The following ZBTB20 variants were observed in gnomAD, a reference collection of about 807,000 sequenced individuals.
ZBTB20 encodes zinc finger and BTB domain-containing protein 20.
ZBTB20 carries 9 observed loss-of-function variants against 56.9 expected under a neutral mutation model. The observed-to-expected ratio is 0.16, with a 90% CI of 0.10 to 0.28. ZBTB20 has a LOEUF of 0.28. Among genes scored for constraint, ZBTB20 ranks in the 10% least tolerant of loss-of-function variants. ZBTB20 has a pLI of 1.00. For synonymous variants in ZBTB20, 417 were observed against 420.7 expected, an observed-to-expected ratio of 0.99 and a Z score of 0.11; for missense variants, 655 against 1,003.0, an observed-to-expected ratio of 0.65 and a Z score of 4.69.
At chr3:114,584,854 C>G (rs1446966878) in intron 6 of ZBTB20, among the ~76,000 whole-genome samples, 2 of 152,106 alleles carry the variant, frequency 1.3e-5, no homozygotes, top group Non-Finnish European at 2.9e-5. Flanking sequence ...AGACAAAACA[C>G]TATCAGTGTA....
chr3:115,073,694 G>C (rs1320150707), intron 1 of ZBTB20, among the ~76,000 whole-genome samples: 1 of 151,342 alleles, frequency 6.6e-6, no homozygotes, highest in African/African-American at 2.4e-5. Flanking sequence ...ACAAAGATAA[G>C]AGATTATAAT....
intron 1 of ZBTB20, among the ~76,000 whole-genome samples, chr3:115,138,543 T>A (rs4682561): frequency 0.18 from 27,185 of 151,904 alleles, 4,121 homozygotes; most frequent in African/African-American, 0.4. Context: ...CCCAGAATAG[T>A]GGTCTGATGG....
intron 7 of ZBTB20, among the ~76,000 whole-genome samples, chr3:114,481,694 TCCTTC>T (rs1263445341): frequency 1.3e-5 from 2 of 152,344 alleles, no homozygotes; most frequent in East Asian, 3.9e-4. Flanking sequence ...TACACATCCA[TCCTTC>T]CCTAATAGTC....
chr3:114,838,841 A>T (rs2074243732), intron 4 of ZBTB20, among the ~76,000 whole-genome samples: 1 of 152,160 alleles, frequency 6.6e-6, no homozygotes, highest in Non-Finnish European at 1.5e-5. Flanking sequence ...GGATGTATGG[A>T]TTGGAGTTTG....
intron 3 of ZBTB20, among the ~76,000 whole-genome samples, chr3:114,959,912 A>T (rs942260250): frequency 1.3e-5 from 2 of 152,218 alleles, no homozygotes; most frequent in Non-Finnish European, 2.9e-5. Context: ...AACTGTGCTC[A>T]GAAAAACTAA....
At chr3:114,834,926 T>C (rs2074045154) in intron 4 of ZBTB20, among the ~76,000 whole-genome samples, 2 of 152,184 alleles carry the variant, frequency 1.3e-5, no homozygotes, top group African/African-American at 4.8e-5. Context: ...AGTTTCATTA[T>C]ATTTTCACCG....
In ZBTB20 at chr3:114,338,750, A is replaced by G; in HGVS notation, c.*255T>C. 2.9e-6 allele frequency: 1 copy of G among 342,534 alleles called. No homozygotes were observed. The highest frequency in any genetic ancestry group is 5.2e-6 in the Non-Finnish European group (1 of 190,816). 21.2% of individuals were successfully genotyped at this position (342,534 alleles called of 1,614,324 possible). On this transcript the variant is annotated 3_prime_UTR_variant, in exon 12 of 12. Coordinates refer to ENST00000675478, the MANE Select transcript of ZBTB20 (RefSeq NM_001348800.3). The stretch of plus-strand genomic sequence containing the variant: ...GAGATCCAACCAGTGGACCTCTTGA[A>G]GCACTACCAGGCCTTAAGGCCACCA...
intron 5 of ZBTB20, among the ~76,000 whole-genome samples, chr3:114,732,528 T>C (rs1050445547): frequency 6.6e-6 from 1 of 152,190 alleles, no homozygotes; most frequent in African/African-American, 2.4e-5. Flanking sequence ...CACAGGGCTC[T>C]GCATGGCTTT....
At chr3:114,737,492 A>C (rs1220192304) in intron 5 of ZBTB20, among the ~76,000 whole-genome samples, 1 of 152,204 alleles carries the variant, frequency 6.6e-6, no homozygotes. Flanking sequence ...ACACAAGTCA[A>C]AGAAGCTCTC....
At chr3:114,441,659 C>T (rs1246631028) in intron 7 of ZBTB20, among the ~76,000 whole-genome samples, 1 of 152,136 alleles carries the variant, frequency 6.6e-6, no homozygotes, top group Non-Finnish European at 1.5e-5. Context: ...TGTACCACTA[C>T]ATTTATTGTA....
chr3:114,669,549 A>G (rs1056328184), intron 6 of ZBTB20, among the ~76,000 whole-genome samples: 2 of 151,996 alleles, frequency 1.3e-5, no homozygotes, highest in African/African-American at 4.8e-5. Flanking sequence ...AGGTATAAAA[A>G]TATGAAGTCA....
intron 2 of ZBTB20, among the ~76,000 whole-genome samples, chr3:115,004,531 T>C (rs2079387221): frequency 6.6e-6 from 1 of 151,732 alleles, no homozygotes; most frequent in Non-Finnish European, 1.5e-5. Context: ...CTCTTTTCTT[T>C]GTTCAGTTTT....
At chr3:114,429,749 C>T (rs2089982157) in intron 7 of ZBTB20, among the ~76,000 whole-genome samples, 1 of 151,796 alleles carries the variant, frequency 6.6e-6, no homozygotes, top group Admixed American at 6.6e-5. Context: ...TGAAAAATAA[C>T]ACAAACAAAG....
At chr3:114,364,056 C>A (rs901848048) in intron 10 of ZBTB20, among the ~76,000 whole-genome samples, 1 of 78,862 alleles carries the variant, frequency 1.3e-5, no homozygotes, top group Non-Finnish European at 3.0e-5. Flanking sequence ...AAATAAACTT[C>A]ACTGTAATAT....
intron 1 of ZBTB20, among the ~76,000 whole-genome samples, chr3:115,099,204 T>G (rs1469060871): frequency 6.6e-6 from 1 of 152,070 alleles, no homozygotes; most frequent in Non-Finnish European, 1.5e-5. Flanking sequence ...AAAACTGAAT[T>G]TGAAATAAAA....
At chr3:114,451,939 T>C (rs1217170786) in intron 7 of ZBTB20, among the ~76,000 whole-genome samples, 3 of 152,088 alleles carry the variant, frequency 2.0e-5, no homozygotes, top group Non-Finnish European at 2.9e-5. Flanking sequence ...GCGGCACAAC[T>C]AGCTGATAGG....
intron 4 of ZBTB20, among the ~76,000 whole-genome samples, chr3:114,882,109 A>T (rs976505134): frequency 2.6e-5 from 4 of 151,982 alleles, no homozygotes; most frequent in African/African-American, 9.6e-5. Flanking sequence ...AACCAATAAA[A>T]TATTTTTAAA....
At chr3:115,008,263 T>TA (rs1205064528) in intron 2 of ZBTB20, among the ~76,000 whole-genome samples, 1 of 151,910 alleles carries the variant, frequency 6.6e-6, no homozygotes, top group Non-Finnish European at 1.5e-5. Context: ...ATTTTTCTGT[T>TA]ATTCCCGTCT....
chr3:114,526,522 A>AAAT (rs2047240002), intron 6 of ZBTB20, among the ~76,000 whole-genome samples: 1 of 152,148 alleles, frequency 6.6e-6, no homozygotes, highest in South Asian at 2.1e-4. Context: ...GATAAATAAT[A>AAAT]AATAATAATA....
Sources: allele counts gnomAD v4.1 joint callset (sites outside exome capture counted in the v4.1 genomes callset), GRCh38; gene constraint gnomAD v4.1.1; transcripts MANE v1.5; gene names NCBI Gene and HGNC (gene_info 2026-07-23, HGNC 2026-07-21).